CNGA3: variants seen among roughly 807,000 people sequenced by gnomAD.
CNGA3 encodes the protein cyclic nucleotide-gated channel alpha-3.
CNGA3 carries 42 observed loss-of-function variants against 46.6 expected under a neutral mutation model. The observed-to-expected ratio is 0.90, with a 90% CI of 0.70 to 1.17. CNGA3 has a LOEUF of 1.17. CNGA3 is among the 50% of genes most tolerant of loss of function. CNGA3 has a pLI of 0.00. For missense variants in CNGA3, 893 were observed against 890.7 expected (o/e 1.00, Z -0.03); for synonymous variants, 394 against 369.4 (o/e 1.07, Z -0.76).
At chr2:98,384,019 T>G (rs577481825) in intron 5 of CNGA3, among the ~76,000 whole-genome samples, 1 of 152,260 alleles carries the variant, frequency 6.6e-6, no homozygotes, top group African/African-American at 2.4e-5. Context: ...CCCGAGTAGC[T>G]GGGACTACAG....
chr2:98,380,887 G>A (rs1239801823), intron 4 of CNGA3, among the ~76,000 whole-genome samples: 1 of 152,188 alleles, frequency 6.6e-6, no homozygotes, highest in Non-Finnish European at 1.5e-5. Context: ...CCCAGATCAG[G>A]TTGAGAAATA....
At chr2:98,358,280 A>C (rs1337295553) in intron 1 of CNGA3, among the ~76,000 whole-genome samples, 1 of 152,250 alleles carries the variant, frequency 6.6e-6, no homozygotes, top group African/African-American at 2.4e-5. Flanking sequence ...TGACCAATCA[A>C]ATAATTAAGA....
chr2:98,378,847 A>T (rs1692473572), intron 3 of CNGA3, among the ~76,000 whole-genome samples: 1 of 152,090 alleles, frequency 6.6e-6, no homozygotes, highest in Non-Finnish European at 1.5e-5. Context: ...TCCCCCTCCC[A>T]TTTTCTCATG....
Position 98,397,355 on chromosome 2 carries a change from G to A in CNGA3, c.*100G>A. The A allele has an allele frequency of 8.3e-7, 1 of 1,198,880 alleles. No individual in the cohort carries two copies. The highest frequency in any genetic ancestry group is 1.2e-6 in the Non-Finnish European group (1 of 824,230). The allele number at this position is 1,198,880 out of a possible 1,614,324, so 74.3% of individuals were successfully genotyped here. On this transcript the variant is annotated 3_prime_UTR_variant, in exon 8 of 8. Transcript: ENST00000272602. ...GGAACTTGGTCAGGGTTGAATTCCA[G>A]CTCTACTCACCCTTTGAAAGCTGTG...
intron 5 of CNGA3, among the ~76,000 whole-genome samples, chr2:98,387,591 T>C (rs547460608): frequency 2.0e-5 from 3 of 152,320 alleles, no homozygotes; most frequent in Admixed American, 2.0e-4. Flanking sequence ...AAGTCTTATG[T>C]TGAAGAAAAA....
chr2:98,371,455 G>C (rs1288152484), intron 2 of CNGA3, among the ~76,000 whole-genome samples: 1 of 152,116 alleles, frequency 6.6e-6, no homozygotes, highest in Non-Finnish European at 1.5e-5. Flanking sequence ...TTTTCAAAGA[G>C]ATTGAGTCCC....
chr2:98,385,286 G>A (rs112916297), intron 5 of CNGA3, among the ~76,000 whole-genome samples: 17 of 152,344 alleles, frequency 1.1e-4, no homozygotes, highest in African/African-American at 3.8e-4. Flanking sequence ...TAAGACTCCA[G>A]TGCCTGAAAA....
chr2:98,379,088 G>A (rs150432032), intron 3 of CNGA3, among the ~76,000 whole-genome samples: 2 of 152,350 alleles, frequency 1.3e-5, no homozygotes, highest in East Asian at 3.9e-4. Flanking sequence ...TATGACCTTG[G>A]TTCCACCCTC....
At position 98,370,054 on chromosome 2, in the gene CNGA3, C is replaced by A. The variant is rs149069990; in HGVS notation, c.79C>A (p.Arg27Ser). 2 of 1,613,618 alleles carry A rather than the reference C, an allele frequency of 1.2e-6. No homozygotes were observed. The highest frequency in any genetic ancestry group is 1.7e-5 in the Admixed American group (1 of 59,956). ...KVKTSDRDLN[R>S]AENGLSRAHS... is the part of the protein sequence containing the mutation. ...AAAGACCTCAGACCGAGATCTCAATCGCGCTGAAAATGGCCTCAGCAGGTA... is the reference window on the plus strand; with the variant it reads ...AAAGACCTCAGACCGAGATCTCAATAGCGCTGAAAATGGCCTCAGCAGGTA... Residue 27 changes from arginine to serine, a missense_variant, in exon 2 of 8, where the codon CGC (arginine) becomes AGC (serine). Coordinates refer to ENST00000272602, the MANE Select transcript of CNGA3 (RefSeq NM_001298.3).
chr2:98,350,751 T>C (rs1381560685), intron 1 of CNGA3: 1 of 152,244 alleles, frequency 6.6e-6, no homozygotes, highest in African/African-American at 2.4e-5. Context: ...AATTTCTTCC[T>C]GTTCTTAAGA....
intron 5 of CNGA3, 89 bp from the exon 6 acceptor site, chr2:98,389,569 C>T: frequency 1.8e-6 from 2 of 1,142,670 alleles, no homozygotes; most frequent in East Asian, 2.3e-5. Flanking sequence ...TCTTGGGCTT[C>T]AGCCTGAAAT....
chr2:98,396,382 G>T lies in CNGA3; in HGVS notation c.1212G>T (p.Ser404=), dbSNP rs372365042. The T allele has an allele frequency of 1.2e-6, 2 of 1,613,836 alleles. No homozygotes were observed. Among genetic ancestry groups the T allele is most frequent in the Non-Finnish European group, 1.7e-6 (2 of 1,179,914 alleles). The change falls in exon 8 of 8, where the codon TCG becomes TCT. Residue 404 remains serine (S), a synonymous_variant. Coordinates refer to ENST00000272602, the MANE Select transcript of CNGA3 (RefSeq NM_001298.3). ...TGGGCAATGTGGGCTCCATGATCTC[G>T]AATATGAATGCCTCACGGGCAGAGT... ...TIVGNVGSMI[S]NMNASRAEFQ...
intron 1 of CNGA3, among the ~76,000 whole-genome samples, chr2:98,358,160 G>A (rs1282338091): frequency 6.6e-6 from 1 of 152,174 alleles, no homozygotes; most frequent in Non-Finnish European, 1.5e-5. Flanking sequence ...ATCAAGGCAG[G>A]GCCAGATGTG....
In CNGA3 at chr2:98,396,305, C is replaced by T. The variant is rs866188873; in HGVS notation, c.1135C>T (p.Leu379Phe). The stretch of plus-strand genomic sequence containing the variant: ...ACCCCCCGTGAAAGATGAGGAGTAT[C>T]TCTTTGTGGTCGTAGACTTCTTGGT... ...TPPPVKDEEYLFVVVDFLVGV... is the reference protein window; with the variant it reads ...TPPPVKDEEYFFVVVDFLVGV... The change falls in exon 8 of 8, where the codon CTC becomes TTC. Residue 379 changes from leucine to phenylalanine, a missense_variant. Leu to Phe is a conservative substitution (Grantham distance 22). Transcript: ENST00000272602. 1 of 1,611,130 alleles carries T rather than the reference C, an allele frequency of 6.2e-7. No homozygotes were observed. The highest frequency in any genetic ancestry group is 1.1e-5 in the South Asian group (1 of 90,972).
At chr2:98,370,951 A>G (rs1692271909) in intron 2 of CNGA3, among the ~76,000 whole-genome samples, 1 of 151,974 alleles carries the variant, frequency 6.6e-6, no homozygotes, top group African/African-American at 2.4e-5. Context: ...CAGCCTCTCT[A>G]GTAGCTGGAA....
At chr2:98,377,574 G>T (rs1692434572) in intron 2 of CNGA3, 113 bp from the exon 3 acceptor site, 6 of 988,966 alleles carry the variant, frequency 6.1e-6, no homozygotes, top group Non-Finnish European at 9.4e-6. Context: ...ATGAGGATCT[G>T]TGAGGGTGGC....
At chr2:98,383,050 G>C (rs1692572917) in intron 4 of CNGA3, among the ~76,000 whole-genome samples, 1 of 152,222 alleles carries the variant, frequency 6.6e-6, no homozygotes, top group African/African-American at 2.4e-5. Flanking sequence ...GCCCCTCTTA[G>C]TGCCTGGCAC....
chr2:98,372,715 C>G (rs1429647739), intron 2 of CNGA3, among the ~76,000 whole-genome samples: 2 of 152,162 alleles, frequency 1.3e-5, no homozygotes, highest in African/African-American at 4.8e-5. Context: ...TGCAGAGGTC[C>G]TGGCACAGTC....
intron 1 of CNGA3, among the ~76,000 whole-genome samples, chr2:98,355,485 T>G (rs1691860395): frequency 6.6e-6 from 1 of 152,202 alleles, no homozygotes; most frequent in South Asian, 2.1e-4. Flanking sequence ...CTTTTAATAA[T>G]CAACTGGGCC....
Sources: gnomAD v4.1 joint callset for allele counts (sites outside exome capture counted in the v4.1 genomes callset) on GRCh38, gnomAD v4.1.1 for gene constraint, MANE v1.5 for transcripts, NCBI Gene and HGNC (gene_info 2026-07-23, HGNC 2026-07-21) for gene names.